Variants in GFPT2 observed in about 807,000 individuals in gnomAD.
GFPT2 encodes the protein glutamine--fructose-6-phosphate transaminase 2.
GFPT2 carries 62 observed loss-of-function variants against 85.6 expected under a neutral mutation model. The ratio of observed to expected loss-of-function variants is 0.72; its 90% CI spans 0.59 to 0.90. The LOEUF (loss-of-function observed/expected upper bound fraction) is 0.90. Among genes scored for constraint, GFPT2 ranks in the 40% least tolerant of loss-of-function variants. The pLI, the probability that GFPT2 is intolerant of heterozygous loss-of-function variation, is 0.00. For synonymous variants in GFPT2, 368 were observed against 344.5 expected (o/e 1.07, Z -0.75); for missense variants, 788 against 893.4 (o/e 0.88, Z 1.50).
chr5:180,330,656 A>T lies in GFPT2; in HGVS notation c.534+44T>A. On this transcript the variant is annotated intron_variant, in intron 6 of 18. Transcript: ENST00000253778. The surrounding 1 kb of genome is among the most constrained non-coding windows in gnomAD (Gnocchi z 4.4). ...CTGCTTGAAAAAAATGTTTTTAATG[A>T]AAGAATGAAGGAATGAGTTAGACAG... 6.5e-7 allele frequency: 1 copy of T among 1,534,014 alleles called. No homozygotes were observed. The highest frequency in any genetic ancestry group is 9.0e-7 in the Non-Finnish European group (1 of 1,116,504).
At chr5:180,332,928 T>C (rs6601110) in intron 4 of GFPT2, among the ~76,000 whole-genome samples, 36,207 of 152,124 alleles carry the variant, frequency 0.24, 4,492 homozygotes, top group Middle Eastern at 0.31. Context: ...TCTTTTGAAA[T>C]CTTTTCCATT....
At chr5:180,341,703 C>G (rs1764519191) in intron 1 of GFPT2, among the ~76,000 whole-genome samples, 1 of 152,074 alleles carries the variant, frequency 6.6e-6, no homozygotes, top group African/African-American at 2.4e-5. Flanking sequence ...CTATTTTTGT[C>G]TTCCTTGCCA....
chr5:180,352,124 G>A (rs77831883), intron 1 of GFPT2, among the ~76,000 whole-genome samples: 2,995 of 152,196 alleles, frequency 0.02, 58 homozygotes, highest in South Asian at 0.047. Flanking sequence ...GCGGCATCCC[G>A]AAGCACGCTG....
rs1764162196 is a variant in GFPT2, at chr5:180,323,623, A to T, written c.794+565T>A. The stretch of plus-strand genomic sequence containing the variant: ...TAAAGCAGAATTTCTCAAATTTCAA[A>T]ATCATTATTCAGTGGATTGATGAGA... On this transcript the variant is annotated intron_variant, in intron 9 of 18. Transcript: ENST00000253778. This position sits in a 1 kb window ranked among gnomAD's most constrained non-coding sequence, Gnocchi z 4.0. 6.6e-6 allele frequency among the ~76,000 whole-genome samples: 1 copy of T among 152,082 alleles called. No individual in the cohort carries two copies. Among genetic ancestry groups the T allele is most frequent in the Non-Finnish European group, 1.5e-5 (1 of 68,010 alleles).
At chr5:180,313,783 A>ACG in intron 14 of GFPT2, 24 bp downstream of exon 14, 2 of 1,531,120 alleles carry the variant, frequency 1.3e-6, no homozygotes, top group Non-Finnish European at 1.7e-6. Flanking sequence ...TCTCCCTGGG[A>ACG]CGGGCGCCCG....
In GFPT2 at chr5:180,330,797, G is replaced by T; in HGVS notation, c.437C>A (p.Thr146Lys). 6.2e-7 allele frequency: 1 copy of T among 1,613,168 alleles called. No homozygotes were observed. The highest frequency in any genetic ancestry group is 8.5e-7 in the Non-Finnish European group (1 of 1,179,110). ...TTTAATCAGCTTGGCGATGGTCTCT[G>T]TATCTGTTTCTGACTCAAACTCGTA... ...KGYEFESETD[T>K]ETIAKLIKYV... The change falls in exon 6 of 19, where the codon ACA becomes AAA. Residue 146 changes from threonine to lysine, a missense_variant. Coordinates refer to ENST00000253778, the MANE Select transcript of GFPT2 (RefSeq NM_005110.4). This position sits in a 1 kb window ranked among gnomAD's most constrained non-coding sequence, Gnocchi z 4.4.
rs1284447532 is a variant in GFPT2, at chr5:180,303,090, TGTG to T, written c.1843-509_1843-507del. Among the ~76,000 whole-genome samples the T allele has an allele frequency of 1.8e-5, 2 of 113,524 alleles. 1 individual carries two copies. The highest frequency in any genetic ancestry group is 4.4e-5 in the Non-Finnish European group (2 of 45,532). The allele number at this position is 113,524 out of a possible 152,430, so 74.5% of individuals were successfully genotyped here. ...TAAAAAATACAAAAAATTAGCCGGGTGTGGTGGCGGGGGCCTGTAGTCCCAGCT... is the reference window on the plus strand; with the variant it reads ...TAAAAAATACAAAAAATTAGCCGGGTGTGGCGGGGGCCTGTAGTCCCAGCT... On this transcript the variant is annotated intron_variant, in intron 17 of 18. Coordinates refer to ENST00000253778, the MANE Select transcript of GFPT2 (RefSeq NM_005110.4).
intron 9 of GFPT2, among the ~76,000 whole-genome samples, chr5:180,320,410 AAAAG>A (rs1764096779): frequency 6.6e-6 from 1 of 152,240 alleles, no homozygotes; most frequent in Non-Finnish European, 1.5e-5. Context: ...TGCTAAATGA[AAAAG>A]AAAGGTGATT....
In GFPT2 at chr5:180,323,331, G is replaced by A. The variant is rs1416959159; in HGVS notation, c.794+857C>T. 1.3e-5 allele frequency among the ~76,000 whole-genome samples: 2 copies of A among 152,080 alleles called. No homozygotes were observed. The highest frequency in any genetic ancestry group is 4.8e-5 in the African/African-American group (2 of 41,414). ...TTTAATCAGGCCTCGCCTCCCTGTC[G>A]CTCCCGTTTCCCAGGAGACCCGGCC... On this transcript the variant is annotated intron_variant, in intron 9 of 18. Transcript: ENST00000253778. The surrounding 1 kb of genome is among the most constrained non-coding windows in gnomAD (Gnocchi z 4.0).
rs1372787133 is a variant in GFPT2 at position 180,323,298 on chromosome 5, G to T, written c.794+890C>A. Among the ~76,000 whole-genome samples, 2 of 152,142 alleles carry T rather than the reference G, an allele frequency of 1.3e-5. No individual in the cohort carries two copies. Among genetic ancestry groups the T allele is most frequent in the African/African-American group, 4.8e-5 (2 of 41,426 alleles). On this transcript the variant is annotated intron_variant, in intron 9 of 18. Coordinates refer to ENST00000253778, the MANE Select transcript of GFPT2 (RefSeq NM_005110.4). This position sits in a 1 kb window ranked among gnomAD's most constrained non-coding sequence, Gnocchi z 4.0. ...GACCTCAGCGTTAAGTATGATGCTG[G>T]CTGTGCGTTTAATCAGGCCTCGCCT...
intron 1 of GFPT2, among the ~76,000 whole-genome samples, chr5:180,342,116 G>A (rs1018242810): frequency 5.9e-5 from 9 of 152,044 alleles, no homozygotes; most frequent in African/African-American, 1.7e-4. Flanking sequence ...CTTGTCTGCC[G>A]CCACGTGAGA....
chr5:180,325,808 C>T (rs991579107), intron 7 of GFPT2, among the ~76,000 whole-genome samples: 40 of 152,212 alleles, frequency 2.6e-4, no homozygotes, highest in African/African-American at 8.0e-4. Flanking sequence ...GCGCAGATCA[C>T]GAGATCAGGA....
Position 180,338,581 on chromosome 5 carries a change from G to A in GFPT2, c.27C>T (p.Asn9=). The A allele has an allele frequency of 1.2e-6, 2 of 1,602,262 alleles. No individual in the cohort carries two copies. The highest frequency in any genetic ancestry group is 1.7e-6 in the Non-Finnish European group (2 of 1,169,628). Residue 9 remains asparagine (N), a synonymous_variant, in exon 2 of 19, where the codon AAC becomes AAT. Coordinates refer to ENST00000253778, the MANE Select transcript of GFPT2 (RefSeq NM_005110.4). MCGIFAYM[N]YRVPRTRKEI... ...CCTTCCTCGTCCGGGGGACTCTGTA[G>A]TTCATGTAGGCAAAGATTCCTGTTC...
At chr5:180,334,206 A>G (rs1430141203) in intron 4 of GFPT2, among the ~76,000 whole-genome samples, 2 of 152,192 alleles carry the variant, frequency 1.3e-5, no homozygotes, top group Non-Finnish European at 2.9e-5. Flanking sequence ...CCTGATCACT[A>G]GGATGCATGA....
At chr5:180,305,038 G>A in intron 16 of GFPT2, 99 bp from the exon 17 acceptor site, 1 of 853,136 alleles carries the variant, frequency 1.2e-6, no homozygotes, top group East Asian at 2.4e-5. Flanking sequence ...GATGACTCTG[G>A]AAGGCAGAGA....
chr5:180,331,377 T>C, intron 5 of GFPT2, 118 bp downstream of exon 5: 2 of 677,464 alleles, frequency 3.0e-6, no homozygotes, highest in Non-Finnish European at 5.3e-6. Flanking sequence ...GTGACGTGGC[T>C]GAGTGTGGGT....
Position 180,328,208 on chromosome 5 carries a change from G to A in GFPT2, c.596+69C>T, listed in dbSNP as rs747480511. 1.6e-4 allele frequency: 193 copies of A among 1,185,548 alleles called. No homozygotes were observed. Among genetic ancestry groups the A allele is most frequent in the Non-Finnish European group, 1.9e-4 (153 of 789,768 alleles). 73.4% of individuals were successfully genotyped at this position (1,185,548 alleles called of 1,614,324 possible). A position where few individuals can be genotyped will look rare whatever the true frequency, so the allele number is the denominator to read the frequency against. On this transcript the variant is annotated intron_variant, in intron 7 of 18. Transcript: ENST00000253778. The surrounding 1 kb of genome is among the most constrained non-coding windows in gnomAD (Gnocchi z 5.4). Reference sequence around the variant, plus strand: ...GCGTGCCACAGGCCCTACCTCTCCCGTCTCCCTCCAGCTAAGTGATTTTAT... The same window carrying A: ...GCGTGCCACAGGCCCTACCTCTCCCATCTCCCTCCAGCTAAGTGATTTTAT...
rs376493168 is a variant in GFPT2, at chr5:180,335,948, C to G, written c.220G>C (p.Asp74His). 9 of 1,568,202 alleles carry G rather than the reference C, an allele frequency of 5.7e-6. No homozygotes were observed. In the African/African-American group the frequency reaches 1.3e-4, roughly 22 times the overall value. Residue 74 changes from aspartate (D) to histidine (H), a missense_variant, in exon 4 of 19, where the codon GAC (aspartate) becomes CAC (histidine). Coordinates refer to ENST00000253778, the MANE Select transcript of GFPT2 (RefSeq NM_005110.4). ...KALDEELYKQ[D>H]SMDLKVEFET... is the part of the protein sequence containing the mutation. ...AACTCCACTTTTAAGTCCATGCTGT[C>G]TTGTTCTAAATGAAAGGAAAATCAG...
At chr5:180,313,766 G>C (rs1763946563) in intron 14 of GFPT2, 41 bp downstream of exon 14, 1 of 1,514,440 alleles carries the variant, frequency 6.6e-7, no homozygotes, top group Non-Finnish European at 8.8e-7. Context: ...ACCTGCCTCC[G>C]CCAGGCTCTC....
Sources: gnomAD v4.1 joint callset for allele counts (sites outside exome capture counted in the v4.1 genomes callset) on GRCh38, gnomAD v4.1.1 for gene constraint, Gnocchi (gnomAD v3.1) non-coding constraint, MANE v1.5 for transcripts, NCBI Gene and HGNC (gene_info 2026-07-23, HGNC 2026-07-21) for gene names.